Variants in EFS observed in about 807,000 individuals in gnomAD.
EFS encodes the protein embryonal Fyn-associated substrate.
EFS carries 34 observed loss-of-function variants against 42.2 expected under a neutral mutation model. That is an observed-to-expected ratio of 0.81 (90% CI 0.61 to 1.07). EFS has a LOEUF of 1.07. Ranked by LOEUF, EFS falls within the 50% of genes least tolerant of loss-of-function variation. The probability of loss-of-function intolerance (pLI) is 0.00; values close to 1 mark genes in which losing one functional copy is unlikely to be tolerated. For synonymous variants in EFS, 299 were observed against 320.7 expected (o/e 0.93, Z 0.72); for missense variants, 717 against 729.4 (o/e 0.98, Z 0.20).
intron 1 of EFS, among the ~76,000 whole-genome samples, chr14:23,361,445 A>T (rs1048103907): frequency 6.6e-6 from 1 of 152,224 alleles, no homozygotes; most frequent in Admixed American, 6.5e-5. Context: ...AAACAGAAAC[A>T]AAGCAATTGT....
chr14:23,359,246 C>G (rs541517516), intron 4 of EFS, 71 bp downstream of exon 4: 1 of 1,605,578 alleles, frequency 6.2e-7, no homozygotes, highest in Non-Finnish European at 8.5e-7. Flanking sequence ...GCCTCTGTGC[C>G]CTAGGTCTCC....
At chr14:23,363,204 C>T (rs1001594196) in intron 1 of EFS, among the ~76,000 whole-genome samples, 2 of 152,044 alleles carry the variant, frequency 1.3e-5, no homozygotes, top group South Asian at 2.1e-4. Flanking sequence ...TGAGCCACTG[C>T]GCCCAGCCAG....
In EFS at chr14:23,360,291, C is replaced by A; in HGVS notation, c.298-10G>T. 6.2e-7 allele frequency: 1 copy of A among 1,603,106 alleles called. No individual in the cohort carries two copies. The highest frequency in any genetic ancestry group is 1.1e-5 in the South Asian group (1 of 89,560). On this transcript the variant is annotated splice_polypyrimidine_tract_variant and intron_variant, in intron 2 of 5. Transcript: ENST00000216733. ...GCGGCACCACATACACCTGAGGGAT[C>A]AAATAGATGGGGGGTCAGGAGGAAC... is the stretch of plus-strand genomic sequence containing the variant.
rs2231814 is a variant in EFS at position 23,357,179 on chromosome 14, G to A, written c.*47C>T. The A allele has an allele frequency of 2.7e-6, 4 of 1,473,498 alleles. No individual in the cohort carries two copies. Among genetic ancestry groups the A allele is most frequent in the Middle Eastern group, 2.0e-4 (1 of 5,080 alleles). The allele number at this position is 1,473,498 out of a possible 1,614,324, so 91.3% of individuals were successfully genotyped here. A position where few individuals can be genotyped will look rare whatever the true frequency, so the allele number is the denominator to read the frequency against. On this transcript the variant is annotated 3_prime_UTR_variant, in exon 6 of 6. Coordinates refer to ENST00000216733, the MANE Select transcript of EFS (RefSeq NM_005864.4). The stretch of plus-strand genomic sequence containing the variant: ...CCTTCCAGCCACCCAAGGCCTAAAG[G>A]GGGGCTTTGGCAGGCAGGGGAGGAG...
rs757986670 is a variant in EFS, at chr14:23,357,270, G to A, written c.1642C>T (p.Gln548Ter). Residue 548 changes from glutamine (Q) to a stop codon, truncating the protein, a stop_gained, in exon 6 of 6, where the codon CAG becomes TAG. Coordinates refer to ENST00000216733, the MANE Select transcript of EFS (RefSeq NM_005864.4). LOFTEE classifies it high-confidence loss of function. ...AGCAGGGTAGTGAATTGCAGGGCCT[G>A]CCCTGCCAGTTCTGTTACACACTGC... ...MVQCVTELAG[Q>*]ALQFTTLLTS... The A allele has an allele frequency of 6.3e-7, 1 of 1,582,964 alleles. No homozygotes were observed. Among genetic ancestry groups the A allele is most frequent in the Non-Finnish European group, 8.6e-7 (1 of 1,158,356 alleles).
At chr14:23,359,113 T>C (rs372784563) in intron 4 of EFS, 148 bp from the exon 5 acceptor site, 10 of 1,116,246 alleles carry the variant, frequency 9.0e-6, no homozygotes, top group East Asian at 2.4e-5. Flanking sequence ...CAGAGAGCTC[T>C]GGTGGCCCCA....
Position 23,360,179 on chromosome 14 carries a change from T to A in EFS, c.400A>T (p.Ser134Cys). Residue 134 changes from serine to cysteine, a missense_variant, in exon 3 of 6, where the codon AGT (serine) becomes TGT (cysteine). Physicochemically the swap from Ser to Cys is moderately radical, Grantham distance 112. Coordinates refer to ENST00000216733, the MANE Select transcript of EFS (RefSeq NM_005864.4). ...PDLIYKIPRA[S>C]GTQLAAPRDA... ...CTGGGAGCAGCCAGCTGGGTCCCAC[T>A]AGCTCTGGGGATTTTGTAGATGAGG... 6.2e-7 allele frequency: 1 copy of A among 1,614,104 alleles called. No homozygotes were observed. The highest frequency in any genetic ancestry group is 8.5e-7 in the Non-Finnish European group (1 of 1,180,012).
Position 23,357,276 on chromosome 14 carries a change from C to A in EFS, c.1636G>T (p.Ala546Ser), listed in dbSNP as rs1426356506. The A allele has an allele frequency of 1.9e-6, 3 of 1,586,812 alleles. No individual in the cohort carries two copies. The highest frequency in any genetic ancestry group is 2.3e-5 in the East Asian group (1 of 44,240). ...GTAGTGAATTGCAGGGCCTGCCCTG[C>A]CAGTTCTGTTACACACTGCACCATC... ...QEMVQCVTEL[A>S]GQALQFTTLL... Residue 546 changes from alanine (A) to serine (S), a missense_variant, in exon 6 of 6, where the codon GCA (alanine) becomes TCA (serine). By Grantham distance (99) the Ala-to-Ser change is moderately conservative (BLOSUM62 1). Coordinates refer to ENST00000216733, the MANE Select transcript of EFS (RefSeq NM_005864.4).
At chr14:23,360,965 G>T in intron 1 of EFS, 132 bp from the exon 2 acceptor site, 1 of 945,914 alleles carries the variant, frequency 1.1e-6, no homozygotes, top group Non-Finnish European at 1.5e-6. Flanking sequence ...GCAGCTTTCT[G>T]CCTGGGCCCT....
Position 23,365,018 on chromosome 14 carries a change from A to G in EFS, c.8T>C (p.Ile3Thr), listed in dbSNP as rs763094699. 7.5e-7 allele frequency: 1 copy of G among 1,339,448 alleles called. No individual in the cohort carries two copies. Among genetic ancestry groups the G allele is most frequent in the Non-Finnish European group, 9.7e-7 (1 of 1,034,446 alleles). 83.0% of individuals were successfully genotyped at this position (1,339,448 alleles called of 1,614,324 possible). Residue 3 changes from isoleucine (I) to threonine (T), a missense_variant, in exon 1 of 6, where the codon ATT becomes ACT. By Grantham distance (89) the Ile-to-Thr change is moderately conservative. Coordinates refer to ENST00000216733, the MANE Select transcript of EFS (RefSeq NM_005864.4). The surrounding 1 kb of genome is among the most constrained non-coding windows in gnomAD (Gnocchi z 5.3). ...CCCTGGTGGACTCACCGACGTGGCAATGGCCATGGCTTTGGCCTCCCGCGC... is the reference window on the plus strand; with the variant it reads ...CCCTGGTGGACTCACCGACGTGGCAGTGGCCATGGCTTTGGCCTCCCGCGC... MA[I>T]ATSTQLARAL...
chr14:23,364,906 A>C, intron 1 of EFS, 102 bp downstream of exon 1: 2 of 1,084,698 alleles, frequency 1.8e-6, no homozygotes, highest in Non-Finnish European at 2.4e-6. Flanking sequence ...GAAGAAAGGG[A>C]CCAAGGAGAG....
chr14:23,359,334 C>T lies in EFS; in HGVS notation c.1144G>A (p.Asp382Asn). 6.2e-7 allele frequency: 1 copy of T among 1,613,144 alleles called. No homozygotes were observed. Among genetic ancestry groups the T allele is most frequent in the Non-Finnish European group, 8.5e-7 (1 of 1,179,978 alleles). Residue 382 changes from aspartate to asparagine, a missense_variant, in exon 4 of 6, where the codon GAC becomes AAC. Asp to Asn is a conservative substitution (Grantham distance 23). Coordinates refer to ENST00000216733, the MANE Select transcript of EFS (RefSeq NM_005864.4). ...YEGIPMAEEYDYVHLKGMDKA... is the reference protein window; with the variant it reads ...YEGIPMAEEYNYVHLKGMDKA... The stretch of plus-strand genomic sequence containing the variant: ...GCGCTCACCTTCAGGTGGACATAGT[C>T]ATACTCCTCGGCCATCGGAATGCCC...
In EFS at chr14:23,358,975, G is replaced by A; in HGVS notation, c.1162-10C>T. The A allele has an allele frequency of 6.2e-7, 1 of 1,604,296 alleles. No individual in the cohort carries two copies. The highest frequency in any genetic ancestry group is 8.5e-7 in the Non-Finnish European group (1 of 1,175,228). ...GAGCTTTGTCCATGCCCTGCAGGAG[G>A]GGATCAGGTCTCAGTGTCGGGGTGG... On this transcript the variant is annotated splice_polypyrimidine_tract_variant and intron_variant, in intron 4 of 5. Transcript: ENST00000216733.
chr14:23,360,683 T>A lies in EFS; in HGVS notation c.169A>T (p.Ile57Phe). The change falls in exon 2 of 6, where the codon ATT (isoleucine) becomes TTT (phenylalanine). Residue 57 changes from isoleucine to phenylalanine, a missense_variant. Transcript: ENST00000216733. ...CLCSLHGQQG[I>F]VPANRVKLLP... ...AGCTTCACCCTGTTGGCGGGCACAA[T>A]GCCCTGCTGGCCGTGTAGGGAGCAG... 2.5e-6 allele frequency: 4 copies of A among 1,613,924 alleles called. No homozygotes were observed. Among genetic ancestry groups the A allele is most frequent in the Non-Finnish European group, 3.4e-6 (4 of 1,179,962 alleles).
chr14:23,364,791 G>GGGGGCGGGGAAGA lies in EFS; in HGVS notation c.18+204_18+216dup, dbSNP rs1338208008. On this transcript the variant is annotated intron_variant, in intron 1 of 5. Coordinates refer to ENST00000216733, the MANE Select transcript of EFS (RefSeq NM_005864.4). ...CTAGGAAGAAAAAGGAGAATGGGGA[G>GGGGGCGGGGAAGA]GGGGCGGGGAAGAGGGGCGAGCCCG... Among the ~76,000 whole-genome samples the GGGGGCGGGGAAGA allele has an allele frequency of 7.9e-5, 12 of 152,230 alleles. No individual in the cohort carries two copies. In the East Asian group the frequency reaches 2.3e-3, roughly 30 times the overall value.
In EFS at chr14:23,365,114, C is replaced by T. The variant is rs1323779175; in HGVS notation, c.-89G>A. On this transcript the variant is annotated 5_prime_UTR_variant, in exon 1 of 6. Transcript: ENST00000216733. The surrounding 1 kb of genome is among the most constrained non-coding windows in gnomAD (Gnocchi z 5.3). ...TGCCCCGCACCATGGTCCGCGGCCTCTAGCCCCCAGCTGTGGCGCCTGAGT... is the reference window on the plus strand; with the variant it reads ...TGCCCCGCACCATGGTCCGCGGCCTTTAGCCCCCAGCTGTGGCGCCTGAGT... The T allele has an allele frequency of 1.2e-5, 15 of 1,205,468 alleles. No individual in the cohort carries two copies. Among genetic ancestry groups the T allele is most frequent in the Non-Finnish European group, 1.4e-5 (13 of 947,294 alleles). 74.7% of individuals were successfully genotyped at this position (1,205,468 alleles called of 1,614,324 possible).
Position 23,359,565 on chromosome 14 carries a change from G to T in EFS, c.913C>A (p.Arg305Ser). The change falls in exon 4 of 6, where the codon CGC (arginine) becomes AGC (serine). Residue 305 changes from arginine (R) to serine (S), a missense_variant. Transcript: ENST00000216733. ...GGGACAGGCAGGGCAGGCAGAGGGC[G>T]GCGGGACAGGCTCTCAGCTGAGGGG... is the stretch of plus-strand genomic sequence containing the variant. ...RLPSAESLSR[R>S]PLPALPVPEA... is the part of the protein sequence containing the mutation. 1 of 1,495,172 alleles carries T rather than the reference G, an allele frequency of 6.7e-7. No homozygotes were observed. The allele number at this position is 1,495,172 out of a possible 1,614,324, so 92.6% of individuals were successfully genotyped here.
chr14:23,365,028 CT>C lies in EFS; in HGVS notation c.-4del. ...CTCACCGACGTGGCAATGGCCATGG[CT>C]TTGGCCTCCCGCGCAGCCTGCCTCA... is the stretch of plus-strand genomic sequence containing the variant. On this transcript the variant is annotated 5_prime_UTR_variant, in exon 1 of 6. Coordinates refer to ENST00000216733, the MANE Select transcript of EFS (RefSeq NM_005864.4). This position sits in a 1 kb window ranked among gnomAD's most constrained non-coding sequence, Gnocchi z 5.3. 2 of 1,334,060 alleles carry C rather than the reference CT, an allele frequency of 1.5e-6. No individual in the cohort carries two copies. The highest frequency in any genetic ancestry group is 9.7e-7 in the Non-Finnish European group (1 of 1,031,766). 82.6% of individuals were successfully genotyped at this position (1,334,060 alleles called of 1,614,324 possible). A position where few individuals can be genotyped will look rare whatever the true frequency, so the allele number is the denominator to read the frequency against.
chr14:23,359,502 G>A lies in EFS; in HGVS notation c.976C>T (p.Pro326Ser), dbSNP rs567919656. 8.3e-6 allele frequency: 13 copies of A among 1,565,658 alleles called. No homozygotes were observed. The East Asian group carries it at 2.0e-4, about 25-fold the overall frequency. Residue 326 changes from proline (P) to serine (S), a missense_variant, in exon 4 of 6, where the codon CCA becomes TCA. Physicochemically the swap from Pro to Ser is moderately conservative, Grantham distance 74 (BLOSUM62 -1). Transcript: ENST00000216733. Reference protein sequence around the residue: ...PSPSPVPSPAPGRKGSIQDRP... With the variant: ...PSPSPVPSPASGRKGSIQDRP... ...TCCTGGATGCTGCCCTTCCGGCCTG[G>A]GGCAGGAGAGGGCACTGGGGAGGGG...
Sources: gnomAD v4.1 joint callset for allele counts (sites outside exome capture counted in the v4.1 genomes callset) on GRCh38, gnomAD v4.1.1 for gene constraint, Gnocchi (gnomAD v3.1) non-coding constraint, MANE v1.5 for transcripts, NCBI Gene and HGNC (gene_info 2026-07-23, HGNC 2026-07-21) for gene names.